Variants in WAPL observed in about 807,000 individuals in gnomAD.
The protein encoded by WAPL is WAPL cohesin release factor.
WAPL carries 5 observed loss-of-function variants against 121.0 expected under a neutral mutation model. The observed-to-expected ratio is 0.04, with a 90% CI of 0.02 to 0.09. WAPL has a LOEUF of 0.09. Among genes scored for constraint, WAPL ranks in the 10% least tolerant of loss-of-function variants. WAPL has a pLI of 1.00. For missense variants in WAPL, 999 were observed against 1,410.8 expected, an observed-to-expected ratio of 0.71 and a Z score of 4.68; for synonymous variants, 480 against 481.5, an observed-to-expected ratio of 1.00 and a Z score of 0.04.
At chr10:86,457,327 TAAAAA>T (rs10668599) in intron 12 of WAPL, among the ~76,000 whole-genome samples, 3 of 111,228 alleles carry the variant, frequency 2.7e-5, no homozygotes, top group Admixed American at 9.5e-5. Flanking sequence ...CTGTATCTAT[TAAAAA>T]AAAAAAAAAA....
chr10:86,465,353 C>T (rs886958527), intron 9 of WAPL, among the ~76,000 whole-genome samples: 2 of 152,186 alleles, frequency 1.3e-5, no homozygotes, highest in African/African-American at 4.8e-5. Context: ...ATACAGGCAC[C>T]CACCACCACG....
At chr10:86,475,253 T>G (rs1367760391) in intron 4 of WAPL, among the ~76,000 whole-genome samples, 1 of 152,214 alleles carries the variant, frequency 6.6e-6, no homozygotes, top group East Asian at 1.9e-4. Context: ...AGGTAACACC[T>G]CATCCTCTCT....
chr10:86,475,850 A>C (rs987275777), intron 4 of WAPL, among the ~76,000 whole-genome samples: 1 of 152,222 alleles, frequency 6.6e-6, no homozygotes, highest in Non-Finnish European at 1.5e-5. Context: ...GGCAAGAATG[A>C]GTGCCTCAAA....
intron 4 of WAPL, among the ~76,000 whole-genome samples, chr10:86,481,246 T>C (rs1487602485): frequency 1.3e-5 from 2 of 152,144 alleles, no homozygotes; most frequent in Non-Finnish European, 2.9e-5. Flanking sequence ...AACCAATCTT[T>C]AGAATTATAA....
chr10:86,471,394 A>G (rs1229730957), intron 7 of WAPL, among the ~76,000 whole-genome samples: 2 of 152,188 alleles, frequency 1.3e-5, no homozygotes, highest in East Asian at 1.9e-4. Context: ...CCTTTCATTA[A>G]TACTTCTGAT....
chr10:86,460,095 A>T (rs1410327802), intron 11 of WAPL, among the ~76,000 whole-genome samples: 1 of 152,242 alleles, frequency 6.6e-6, no homozygotes, highest in Non-Finnish European at 1.5e-5. Context: ...CCTGGGTGAC[A>T]GAGTGAGACT....
At chr10:86,468,450 G>C (rs555140372) in intron 8 of WAPL, among the ~76,000 whole-genome samples, 1 of 151,670 alleles carries the variant, frequency 6.6e-6, no homozygotes, top group Non-Finnish European at 1.5e-5. Flanking sequence ...CACCCACCTT[G>C]GCCTCTCAAA....
At chr10:86,438,547 C>T (rs1026000872) in intron 17 of WAPL, among the ~76,000 whole-genome samples, 3 of 152,230 alleles carry the variant, frequency 2.0e-5, no homozygotes, top group Non-Finnish European at 4.4e-5. Flanking sequence ...AGGCAGCATG[C>T]CGACCTACTT....
chr10:86,443,994 A>C (rs560338388), intron 16 of WAPL: 1 of 152,758 alleles, frequency 6.5e-6, no homozygotes, highest in East Asian at 1.9e-4. Flanking sequence ...ACTGCTCTCC[A>C]GCCTGGGTGA....
At chr10:86,497,110 A>G in intron 4 of WAPL, 91 bp downstream of exon 4, 1 of 1,034,838 alleles carries the variant, frequency 9.7e-7, no homozygotes, top group South Asian at 1.5e-5. Flanking sequence ...AGTTGCTATG[A>G]TGTTTATTAG....
intron 2 of WAPL, among the ~76,000 whole-genome samples, chr10:86,501,218 C>T (rs553650694): frequency 6.6e-6 from 1 of 152,270 alleles, no homozygotes; most frequent in African/African-American, 2.4e-5. Context: ...GAAACCTGTC[C>T]ATAGGATCAG....
intron 2 of WAPL, among the ~76,000 whole-genome samples, chr10:86,513,564 G>A (rs965244593): frequency 4.6e-5 from 7 of 152,006 alleles, no homozygotes; most frequent in African/African-American, 1.4e-4. Context: ...TCGAACTCCT[G>A]AACCTCCCCC....
chr10:86,505,890 G>T (rs1403031207), intron 2 of WAPL, among the ~76,000 whole-genome samples: 1 of 151,944 alleles, frequency 6.6e-6, no homozygotes, highest in East Asian at 1.9e-4. Context: ...GGACTTGTAA[G>T]AAAGAAAAAT....
intron 15 of WAPL, among the ~76,000 whole-genome samples, chr10:86,450,245 A>C (rs1395481594): frequency 6.6e-6 from 1 of 152,184 alleles, no homozygotes; most frequent in Non-Finnish European, 1.5e-5. Flanking sequence ...ACTTTTTTTA[A>C]ACGTTTTTGA....
At chr10:86,462,721 CAAAAAA>C (rs59998538) in intron 9 of WAPL, among the ~76,000 whole-genome samples, 1 of 80,646 alleles carries the variant, frequency 1.2e-5, no homozygotes, top group African/African-American at 4.6e-5. Flanking sequence ...GATCCCGTCT[CAAAAAA>C]AAAAAAAAAA....
chr10:86,512,902 G>A (rs557875655), intron 2 of WAPL, among the ~76,000 whole-genome samples: 1 of 152,082 alleles, frequency 6.6e-6, no homozygotes, highest in South Asian at 2.1e-4. Flanking sequence ...CATAATAAAC[G>A]TTTTCTTCTT....
chr10:86,490,410 T>C (rs1321975683), intron 4 of WAPL, among the ~76,000 whole-genome samples: 3 of 152,204 alleles, frequency 2.0e-5, no homozygotes, highest in Non-Finnish European at 2.9e-5. Context: ...TTAGGCCAGA[T>C]AGATTCCTTT....
chr10:86,482,106 G>GA (rs1429553138), intron 4 of WAPL, among the ~76,000 whole-genome samples: 1 of 152,150 alleles, frequency 6.6e-6, no homozygotes, highest in Non-Finnish European at 1.5e-5. Context: ...AACAATTCCT[G>GA]AAAATTTTTG....
At chr10:86,475,591 A>G (rs1841631901) in intron 4 of WAPL, among the ~76,000 whole-genome samples, 1 of 152,248 alleles carries the variant, frequency 6.6e-6, no homozygotes, top group Non-Finnish European at 1.5e-5. Context: ...CCAGGTTTGC[A>G]TAACATGATG....
Sources: gnomAD v4.1 joint callset for allele counts (sites outside exome capture counted in the v4.1 genomes callset) on GRCh38, gnomAD v4.1.1 for gene constraint, MANE v1.5 for transcripts, NCBI Gene and HGNC (gene_info 2026-07-23, HGNC 2026-07-21) for gene names.